Variants in SLC25A13 observed in about 807,000 individuals in gnomAD.
SLC25A13 encodes the protein solute carrier family 25 member 13, also known as electrogenic aspartate/glutamate antiporter SLC25A13, mitochondrial.
Under a neutral mutation model 85.5 loss-of-function variants are expected in SLC25A13, and 70 were observed. The observed-to-expected ratio is 0.82, with a 90% CI of 0.68 to 1.00. SLC25A13 has a LOEUF of 1.00. SLC25A13 is among the 50% of genes least tolerant of loss of function. SLC25A13 has a pLI of 0.00. For synonymous variants in SLC25A13, 259 were observed against 288.7 expected, an observed-to-expected ratio of 0.90 and a Z score of 1.04; for missense variants, 765 against 819.8, an observed-to-expected ratio of 0.93 and a Z score of 0.82.
At chr7:96,246,291 A>G (rs1797186237) in intron 3 of SLC25A13, among the ~76,000 whole-genome samples, 1 of 152,252 alleles carries the variant, frequency 6.6e-6, no homozygotes, top group African/African-American at 2.4e-5. Flanking sequence ...GTTAATGCCC[A>G]TATTACCTAT....
intron 6 of SLC25A13, among the ~76,000 whole-genome samples, chr7:96,191,935 C>A (rs942842108): frequency 6.6e-6 from 1 of 152,094 alleles, no homozygotes; most frequent in Non-Finnish European, 1.5e-5. Context: ...ATGAATGAGA[C>A]TTCAGTTTGG....
chr7:96,131,073 T>C (rs988241785), intron 15 of SLC25A13, among the ~76,000 whole-genome samples: 2 of 152,226 alleles, frequency 1.3e-5, no homozygotes, highest in Non-Finnish European at 2.9e-5. Context: ...TGTTAACTTA[T>C]TAAATGTCAC....
intron 1 of SLC25A13, among the ~76,000 whole-genome samples, chr7:96,307,322 T>C (rs1008685133): frequency 3.3e-5 from 5 of 152,114 alleles, no homozygotes; most frequent in Non-Finnish European, 7.4e-5. Flanking sequence ...AATAATGATA[T>C]TGTGATTGTG....
intron 2 of SLC25A13, among the ~76,000 whole-genome samples, chr7:96,295,219 G>A (rs1799301478): frequency 6.6e-6 from 1 of 152,114 alleles, no homozygotes; most frequent in Admixed American, 6.5e-5. Flanking sequence ...AGCCGGGTGT[G>A]GTGGCACATG....
intron 4 of SLC25A13, among the ~76,000 whole-genome samples, chr7:96,229,408 T>G (rs1796445212): frequency 6.6e-6 from 1 of 152,034 alleles, no homozygotes; most frequent in African/African-American, 2.4e-5. Context: ...CAATCAGCTC[T>G]CTGTAAAATG....
intron 4 of SLC25A13, among the ~76,000 whole-genome samples, chr7:96,234,074 A>G (rs1796654174): frequency 1.3e-5 from 2 of 152,254 alleles, no homozygotes; most frequent in Admixed American, 1.3e-4. Context: ...GACACCACAG[A>G]GTCCAAGGGA....
In SLC25A13 at chr7:96,131,791, C is replaced by T. The variant is rs1792041657; in HGVS notation, c.1543G>A (p.Asp515Asn). Residue 515 changes from aspartate (D) to asparagine (N), a missense_variant, in exon 15 of 18, where the codon GAT becomes AAT. By Grantham distance (23) the Asp-to-Asn change is conservative (BLOSUM62 1). Transcript: ENST00000265631. ...AGGCTTCCTGGGCTAACCTGCCCAT[C>T]TTCATTTGCAAAGGAAGCCTTCACA... is the stretch of plus-strand genomic sequence containing the variant. ...AHVKASFANE[D>N]GQVSPGSLLL... The T allele has an allele frequency of 6.2e-7, 1 of 1,614,058 alleles. No individual in the cohort carries two copies. The highest frequency in any genetic ancestry group is 8.5e-7 in the Non-Finnish European group (1 of 1,180,008).
chr7:96,204,358 T>C (rs1421098988), intron 5 of SLC25A13, among the ~76,000 whole-genome samples: 1 of 152,100 alleles, frequency 6.6e-6, no homozygotes, highest in Non-Finnish European at 1.5e-5. Flanking sequence ...CCCAAGTGCC[T>C]ACGACAGTCA....
chr7:96,262,157 C>T (rs1187793655), intron 3 of SLC25A13, among the ~76,000 whole-genome samples: 1 of 152,128 alleles, frequency 6.6e-6, no homozygotes, highest in African/African-American at 2.4e-5. Context: ...CTAATTCTGA[C>T]AGTGGTAAAG....
intron 3 of SLC25A13, among the ~76,000 whole-genome samples, chr7:96,263,281 C>G (rs1584531513): frequency 6.6e-6 from 1 of 152,226 alleles, no homozygotes; most frequent in East Asian, 1.9e-4. Flanking sequence ...CCTGAGAGGC[C>G]CTGGACTTTG....
intron 3 of SLC25A13, among the ~76,000 whole-genome samples, chr7:96,252,932 A>T (rs1057488899): frequency 2.6e-5 from 4 of 152,146 alleles, no homozygotes; most frequent in African/African-American, 9.7e-5. Flanking sequence ...TGTCTCTACT[A>T]AAAATACAAA....
At chr7:96,216,461 C>T (rs1475819945) in intron 4 of SLC25A13, among the ~76,000 whole-genome samples, 2 of 152,110 alleles carry the variant, frequency 1.3e-5, no homozygotes, top group East Asian at 3.9e-4. Flanking sequence ...ACATTCACTG[C>T]AGCACTATTC....
chr7:96,308,914 A>G (rs1799857235), intron 1 of SLC25A13, among the ~76,000 whole-genome samples: 1 of 152,212 alleles, frequency 6.6e-6, no homozygotes, highest in African/African-American at 2.4e-5. Flanking sequence ...GCTCTTCTCA[A>G]GTTGCTGTTG....
chr7:96,211,445 A>G (rs1165061832), intron 4 of SLC25A13, among the ~76,000 whole-genome samples: 1 of 152,198 alleles, frequency 6.6e-6, no homozygotes, highest in African/African-American at 2.4e-5. Flanking sequence ...AGAGTATACT[A>G]TACTAGATGT....
intron 1 of SLC25A13, among the ~76,000 whole-genome samples, chr7:96,316,914 A>G (rs771052263): frequency 6.6e-6 from 1 of 152,176 alleles, no homozygotes; most frequent in Non-Finnish European, 1.5e-5. Flanking sequence ...TGCTGGAGCC[A>G]GACTGGCAGG....
At position 96,245,140 on chromosome 7, in the gene SLC25A13, CTCTT is replaced by C. The variant is rs566924282; in HGVS notation, c.213-10227_213-10224del. 7.9e-5 allele frequency among the ~76,000 whole-genome samples: 12 copies of C among 152,324 alleles called. No individual in the cohort carries two copies. The East Asian group carries it at 2.3e-3, about 29-fold the overall frequency. On this transcript the variant is annotated intron_variant, in intron 3 of 17. Coordinates refer to ENST00000265631, the MANE Select transcript of SLC25A13 (RefSeq NM_014251.3). ...GGGGTATTCTTATACCTCCAACATT[CTCTT>C]TCTTATAAGATGGATCAAGCACATT...
intron 3 of SLC25A13, among the ~76,000 whole-genome samples, chr7:96,257,377 G>T (rs1797679292): frequency 6.6e-6 from 1 of 152,048 alleles, no homozygotes; most frequent in Admixed American, 6.6e-5. Flanking sequence ...AAATGAAAAA[G>T]GGGAGATCAC....
intron 7 of SLC25A13, 39 bp downstream of exon 7, chr7:96,191,070 A>G (rs759307517): frequency 1.2e-6 from 2 of 1,612,906 alleles, no homozygotes; most frequent in South Asian, 2.2e-5. Context: ...AATACACCAC[A>G]ATACTTGCAG....
At chr7:96,209,051 G>A (rs1795582225) in intron 4 of SLC25A13, 74 bp from the exon 5 acceptor site, 3 of 1,438,140 alleles carry the variant, frequency 2.1e-6, no homozygotes, top group Admixed American at 3.5e-5. Context: ...TTATTGAATG[G>A]ATATCGCTTT....
Sources: allele counts gnomAD v4.1 joint callset (sites outside exome capture counted in the v4.1 genomes callset), GRCh38; gene constraint gnomAD v4.1.1; transcripts MANE v1.5; gene names NCBI Gene and HGNC (gene_info 2026-07-23, HGNC 2026-07-21).